ACAD10: variants seen among roughly 807,000 people sequenced by gnomAD.
The protein encoded by ACAD10 is ACAD-10.
ACAD10 carries 112 observed loss-of-function variants against 116.8 expected under a neutral mutation model. The ratio of observed to expected loss-of-function variants is 0.96; its 90% CI spans 0.82 to 1.12. The LOEUF is 1.12. Among genes scored for constraint, ACAD10 ranks in the 50% most tolerant of loss-of-function variants. The probability of loss-of-function intolerance (pLI) is 0.00; values close to 1 mark genes in which losing one functional copy is unlikely to be tolerated. For synonymous variants in ACAD10, 486 were observed against 510.6 expected (o/e 0.95, Z 0.65); for missense variants, 1,259 against 1,350.2 (o/e 0.93, Z 1.06).
intron 2 of ACAD10, among the ~76,000 whole-genome samples, chr12:111,699,040 G>A (rs551582257): frequency 1.3e-5 from 2 of 151,918 alleles, no homozygotes; most frequent in East Asian, 3.9e-4. Context: ...CACCACACCT[G>A]GCTAATTTTT....
At chr12:111,731,965 C>T (rs1490943192) in intron 10 of ACAD10, among the ~76,000 whole-genome samples, 2 of 152,096 alleles carry the variant, frequency 1.3e-5, no homozygotes, top group East Asian at 3.8e-4. Flanking sequence ...CCTGTAATCC[C>T]AGCTACTCGG....
chr12:111,723,736 C>T (rs1446551838), intron 8 of ACAD10, among the ~76,000 whole-genome samples: 1 of 151,394 alleles, frequency 6.6e-6, no homozygotes, highest in Non-Finnish European at 1.5e-5. Flanking sequence ...CGGAGACGCT[C>T]CTCACTTCCC....
chr12:111,694,076 G>T (rs1426669486), intron 2 of ACAD10, among the ~76,000 whole-genome samples: 1 of 152,172 alleles, frequency 6.6e-6, no homozygotes, highest in East Asian at 1.9e-4. Context: ...TTGACCTTCT[G>T]TGGTGGCTGG....
At chr12:111,729,673 T>C in intron 9 of ACAD10, 133 bp from the exon 10 acceptor site, 2 of 1,066,270 alleles carry the variant, frequency 1.9e-6, no homozygotes, top group Non-Finnish European at 2.7e-6. Context: ...TCTCCAGTCA[T>C]AGGAACGTGT....
chr12:111,752,370 A>T (rs932563941), intron 18 of ACAD10, among the ~76,000 whole-genome samples: 6 of 151,766 alleles, frequency 4.0e-5, no homozygotes, highest in Admixed American at 3.3e-4. Context: ...TTGAGAGGCC[A>T]AGGCAGGCAG....
At chr12:111,703,129 A>AT (rs1049934223) in intron 3 of ACAD10, among the ~76,000 whole-genome samples, 3 of 151,678 alleles carry the variant, frequency 2.0e-5, no homozygotes, top group Admixed American at 1.3e-4. Flanking sequence ...TCCAGCATAT[A>AT]TTTTTTTAAT....
At chr12:111,738,094 T>A (rs1159350697) in intron 12 of ACAD10, among the ~76,000 whole-genome samples, 1 of 152,092 alleles carries the variant, frequency 6.6e-6, no homozygotes, top group East Asian at 1.9e-4. Flanking sequence ...TGACCTCAGA[T>A]GATCCATCCA....
At chr12:111,702,949 G>A (rs1374724918) in intron 3 of ACAD10, among the ~76,000 whole-genome samples, 1 of 151,892 alleles carries the variant, frequency 6.6e-6, no homozygotes, top group African/African-American at 2.4e-5. Flanking sequence ...AAAAAAATTA[G>A]CCAGGCATGG....
At chr12:111,711,936 G>A (rs1888697383) in intron 5 of ACAD10, among the ~76,000 whole-genome samples, 2 of 152,196 alleles carry the variant, frequency 1.3e-5, no homozygotes, top group African/African-American at 4.8e-5. Context: ...GCAAGTATTG[G>A]GTCATAGCTT....
At chr12:111,688,375 G>A (rs1887940454) in intron 1 of ACAD10, among the ~76,000 whole-genome samples, 1 of 152,170 alleles carries the variant, frequency 6.6e-6, no homozygotes. Flanking sequence ...GGTATCCTCA[G>A]CAGATGGGTG....
rs35716113 is a variant in ACAD10 at position 111,736,969 on chromosome 12, C to G, written c.1679C>G (p.Ala560Gly). 4,694 of 1,613,806 alleles carry G rather than the reference C, an allele frequency of 2.9e-3. 121 individuals are homozygous for G. The African/African-American group carries it at 0.054, about 18-fold the overall frequency. The change falls in exon 12 of 21, where the codon GCA (alanine) becomes GGA (glycine). Residue 560 changes from alanine to glycine, a missense_variant. Ala to Gly is a moderately conservative substitution (Grantham distance 60). Transcript: ENST00000313698. ...GCTTTTTCCTTTTTCCGTGTGGCTGCAATCCTACAGGGAGTCTACAAGCGA... is the reference window on the plus strand; with the variant it reads ...GCTTTTTCCTTTTTCCGTGTGGCTGGAATCCTACAGGGAGTCTACAAGCGA... ...YMAFSFFRVA[A>G]ILQGVYKRSL...
intron 5 of ACAD10, 131 bp from the exon 6 acceptor site, chr12:111,712,367 C>A: frequency 1.2e-6 from 1 of 826,676 alleles, no homozygotes; most frequent in Non-Finnish European, 1.8e-6. Flanking sequence ...AATATATATT[C>A]TCTGCACCTG....
chr12:111,735,356 A>G (rs949852632), intron 11 of ACAD10, among the ~76,000 whole-genome samples: 1 of 152,142 alleles, frequency 6.6e-6, no homozygotes, highest in African/African-American at 2.4e-5. Flanking sequence ...GTAGTAATAT[A>G]TTTGCCTATA....
intron 9 of ACAD10, 107 bp from the exon 10 acceptor site, chr12:111,729,699 C>T (rs1889330587): frequency 7.6e-7 from 1 of 1,319,524 alleles, no homozygotes; most frequent in African/African-American, 1.5e-5. Context: ...GACACTGCAC[C>T]ACCCAGTGCA....
chr12:111,717,294 G>A (rs922579155), intron 7 of ACAD10, among the ~76,000 whole-genome samples: 4 of 148,524 alleles, frequency 2.7e-5, no homozygotes, highest in African/African-American at 1.0e-4. Context: ...GGAAGCAGAG[G>A]TTGTAGTGAG....
chr12:111,686,122 G>A lies in ACAD10; in HGVS notation c.-131G>A, dbSNP rs1341310375. On this transcript the variant is annotated 5_prime_UTR_variant, in exon 1 of 21. In the 5' UTR this introduces an upstream ATG that the reference lacks. Coordinates refer to ENST00000313698, the MANE Select transcript of ACAD10 (RefSeq NM_025247.6). ...CGTCGTGGAGATTGCTTGCGCTGGG[G>A]TGCCACACTTAGGCTGAGCTGCAGG... The A allele has an allele frequency of 1.2e-5, 2 of 173,346 alleles. No individual in the cohort carries two copies. The highest frequency in any genetic ancestry group is 3.1e-4 in the East Asian group (2 of 6,478). 10.7% of individuals were successfully genotyped at this position (173,346 alleles called of 1,614,324 possible).
chr12:111,755,571 T>G, intron 19 of ACAD10, 97 bp from the exon 20 acceptor site: 1 of 829,028 alleles, frequency 1.2e-6, no homozygotes, highest in Non-Finnish European at 2.0e-6. Flanking sequence ...CCCTGCTAGT[T>G]TTTGTATTTT....
chr12:111,712,104 T>C (rs186584606), intron 5 of ACAD10, among the ~76,000 whole-genome samples: 2 of 152,348 alleles, frequency 1.3e-5, no homozygotes, highest in East Asian at 1.9e-4. Flanking sequence ...TTCCAGCCAA[T>C]GGAAACTGGA....
intron 1 of ACAD10, among the ~76,000 whole-genome samples, chr12:111,688,989 G>C (rs1037208273): frequency 1.3e-5 from 2 of 151,894 alleles, no homozygotes; most frequent in Admixed American, 1.3e-4. Flanking sequence ...TCAAGAGATC[G>C]AGACCATTCT....
Sources: gnomAD v4.1 joint callset for allele counts (sites outside exome capture counted in the v4.1 genomes callset) on GRCh38, gnomAD v4.1.1 for gene constraint, MANE v1.5 for transcripts, NCBI Gene and HGNC (gene_info 2026-07-23, HGNC 2026-07-21) for gene names.